Variants in MRTFB observed in about 807,000 individuals in gnomAD.
MRTFB encodes the protein myocardin-related transcription factor B.
Under a neutral mutation model 104.2 loss-of-function variants are expected in MRTFB, and 29 were observed. The ratio of observed to expected loss-of-function variants is 0.28; its 90% CI spans 0.21 to 0.38. The LOEUF (loss-of-function observed/expected upper bound fraction) is 0.38, where lower values mean the gene tolerates loss of function less well. Among genes scored for constraint, MRTFB ranks in the 10% least tolerant of loss-of-function variants. MRTFB has a pLI of 1.00. For synonymous variants in MRTFB, 535 were observed against 519.5 expected, an observed-to-expected ratio of 1.03 and a Z score of -0.41; for missense variants, 1,270 against 1,341.6, an observed-to-expected ratio of 0.95 and a Z score of 0.83.
At chr16:14,235,644 T>C (rs1179001353) in intron 9 of MRTFB, among the ~76,000 whole-genome samples, 1 of 152,190 alleles carries the variant, frequency 6.6e-6, no homozygotes, top group Non-Finnish European at 1.5e-5. Flanking sequence ...ACCAGAATTC[T>C]TCCAGTGTTT....
At chr16:14,244,674 A>G (rs73518945) in intron 10 of MRTFB, among the ~76,000 whole-genome samples, 8 of 151,968 alleles carry the variant, frequency 5.3e-5, no homozygotes, top group Non-Finnish European at 1.0e-4. Context: ...TCTTTCACTT[A>G]TTTATTGACC....
At chr16:14,129,586 G>T (rs934163995) in intron 2 of MRTFB, among the ~76,000 whole-genome samples, 6 of 152,110 alleles carry the variant, frequency 3.9e-5, no homozygotes, top group Non-Finnish European at 8.8e-5. Flanking sequence ...TGGATCATAT[G>T]GTAAAATTAT....
chr16:14,099,051 T>G (rs1409210889), intron 2 of MRTFB, among the ~76,000 whole-genome samples: 1 of 152,226 alleles, frequency 6.6e-6, no homozygotes, highest in Non-Finnish European at 1.5e-5. Context: ...TTGTTTGAGC[T>G]ATTCTGGGTC....
the MRTFB span, among the ~76,000 whole-genome samples, chr16:14,039,666 T>G: frequency 6.7e-6 from 1 of 150,308 alleles, no homozygotes; most frequent in Non-Finnish European, 1.5e-5. Flanking sequence ...TCATATAGCA[T>G]ATTATTAGCA....
the MRTFB span, among the ~76,000 whole-genome samples, chr16:14,005,080 C>G: frequency 6.6e-6 from 1 of 152,264 alleles, no homozygotes; most frequent in African/African-American, 2.4e-5. Context: ...TCCTCACACA[C>G]CATCATCCCA....
At chr16:14,042,413 C>T in the MRTFB span, among the ~76,000 whole-genome samples, 17 of 152,180 alleles carry the variant, frequency 1.1e-4, no homozygotes, top group African/African-American at 4.1e-4. Flanking sequence ...TGTGCGCCAC[C>T]GCACCTGGCC....
intron 2 of MRTFB, chr16:14,093,018 C>T (rs1567313743): frequency 6.6e-6 from 1 of 152,106 alleles, no homozygotes; most frequent in Non-Finnish European, 1.5e-5. Flanking sequence ...ACTCCTGATT[C>T]CTCTCTCTTA....
At chr16:14,079,121 T>C (rs901822488) in intron 1 of MRTFB, among the ~76,000 whole-genome samples, 169 bp from the exon 2 acceptor site, 1 of 152,220 alleles carries the variant, frequency 6.6e-6, no homozygotes, top group African/African-American at 2.4e-5. Flanking sequence ...TAGGAAAAGT[T>C]TTAGTTACAT....
At chr16:14,099,137 A>G (rs2035555273) in intron 2 of MRTFB, among the ~76,000 whole-genome samples, 1 of 152,212 alleles carries the variant, frequency 6.6e-6, no homozygotes, top group Non-Finnish European at 1.5e-5. Context: ...TTTGACTGAG[A>G]TATTGATAGT....
At chr16:14,235,199 G>A (rs139876620) in intron 9 of MRTFB, among the ~76,000 whole-genome samples, 83 of 152,258 alleles carry the variant, frequency 5.5e-4, no homozygotes, top group Non-Finnish European at 1.1e-3. Context: ...GCCCTAAGTC[G>A]CCGGGACTGT....
chr16:14,176,679 A>G (rs2039593290), intron 3 of MRTFB, among the ~76,000 whole-genome samples: 1 of 152,242 alleles, frequency 6.6e-6, no homozygotes, highest in Non-Finnish European at 1.5e-5. Flanking sequence ...GTAGCTGGAC[A>G]AGTGACTTAA....
At chr16:14,240,683 C>T (rs1269668582) in intron 10 of MRTFB, 199 bp downstream of exon 10, 4 of 916,584 alleles carry the variant, frequency 4.4e-6, no homozygotes, top group Non-Finnish European at 7.2e-6. Context: ...TTTCTGTCCT[C>T]CAAAATAGGT....
chr16:14,212,743 C>T (rs1346358437), intron 5 of MRTFB, among the ~76,000 whole-genome samples: 2 of 152,178 alleles, frequency 1.3e-5, no homozygotes, highest in Admixed American at 1.3e-4. Context: ...GTTACCCCTA[C>T]AGAGAGACAG....
intron 3 of MRTFB, among the ~76,000 whole-genome samples, chr16:14,146,695 C>A (rs1363587738): frequency 6.6e-6 from 1 of 152,098 alleles, no homozygotes; most frequent in Non-Finnish European, 1.5e-5. Context: ...TAGAGCTGGC[C>A]TTTTTTGGGG....
chr16:14,250,840 C>A (rs1194010500), intron 13 of MRTFB, among the ~76,000 whole-genome samples: 1 of 152,114 alleles, frequency 6.6e-6, no homozygotes, highest in Non-Finnish European at 1.5e-5. Context: ...TGTGTGAACA[C>A]TGAGGGAGAA....
chr16:14,036,572 C>T, the MRTFB span, among the ~76,000 whole-genome samples: 1 of 148,714 alleles, frequency 6.7e-6, no homozygotes, highest in African/African-American at 2.5e-5. Flanking sequence ...TATATACATT[C>T]CATCATATAT....
chr16:14,139,566 A>G (rs1359263429), intron 2 of MRTFB, among the ~76,000 whole-genome samples: 1 of 152,236 alleles, frequency 6.6e-6, no homozygotes, highest in Non-Finnish European at 1.5e-5. Context: ...ACAAGTATCT[A>G]TATGGATACA....
chr16:14,112,609 T>C (rs942002658), intron 2 of MRTFB, among the ~76,000 whole-genome samples: 2 of 152,262 alleles, frequency 1.3e-5, no homozygotes, highest in Admixed American at 6.5e-5. Context: ...GTTCTTCACA[T>C]AGAAGTCTGA....
intron 2 of MRTFB, among the ~76,000 whole-genome samples, chr16:14,086,846 A>T (rs910724921): frequency 6.6e-6 from 1 of 152,158 alleles, no homozygotes; most frequent in African/African-American, 2.4e-5. Flanking sequence ...ATTTGTAATA[A>T]TTTTTACATT....
Sources: allele counts gnomAD v4.1 joint callset (sites outside exome capture counted in the v4.1 genomes callset), GRCh38; gene constraint gnomAD v4.1.1; transcripts MANE v1.5; gene names NCBI Gene and HGNC (gene_info 2026-07-23, HGNC 2026-07-21).